The following HHIPL2 variants were observed in gnomAD, a reference collection of about 807,000 sequenced individuals.
HHIPL2 encodes the protein HHIP like 2.
HHIPL2 carries 61 observed loss-of-function variants against 61.0 expected under a neutral mutation model. That is an observed-to-expected ratio of 1.00 (90% CI 0.81 to 1.24). The LOEUF (loss-of-function observed/expected upper bound fraction) is 1.24, where lower values mean the gene tolerates loss of function less well. HHIPL2 is among the 50% of genes most tolerant of loss of function. The pLI, the probability that HHIPL2 is intolerant of heterozygous loss-of-function variation, is 0.00. For missense variants in HHIPL2, 885 were observed against 910.2 expected (o/e 0.97, Z 0.36); for synonymous variants, 343 against 357.4 (o/e 0.96, Z 0.45).
intron 7 of HHIPL2, 118 bp from the exon 8 acceptor site, chr1:222,523,812 G>A (rs1321273012): frequency 6.9e-6 from 6 of 867,926 alleles, no homozygotes; most frequent in Non-Finnish European, 1.1e-5. Context: ...TTATCCATGG[G>A]GATGGGGTAG....
intron 5 of HHIPL2, among the ~76,000 whole-genome samples, chr1:222,534,363 A>C (rs2102615254): frequency 6.6e-6 from 1 of 152,314 alleles, no homozygotes; most frequent in East Asian, 1.9e-4. Flanking sequence ...TGAAGATGTT[A>C]AAATTAGCAG....
intron 5 of HHIPL2, among the ~76,000 whole-genome samples, chr1:222,535,760 C>T (rs1659288081): frequency 6.6e-6 from 1 of 152,056 alleles, no homozygotes; most frequent in Admixed American, 6.6e-5. Flanking sequence ...TTAGGACCCA[C>T]CCAGAAAATC....
intron 8 of HHIPL2, among the ~76,000 whole-genome samples, chr1:222,523,281 T>G (rs1658991785): frequency 6.6e-6 from 1 of 152,208 alleles, no homozygotes; most frequent in South Asian, 2.1e-4. Context: ...GTCATAGGCT[T>G]TAAGTGTTCA....
At chr1:222,533,368 A>G (rs575939709) in intron 5 of HHIPL2, among the ~76,000 whole-genome samples, 2 of 151,748 alleles carry the variant, frequency 1.3e-5, no homozygotes, top group African/African-American at 4.8e-5. Context: ...CTGTCTCAAA[A>G]AAAAAAAAGA....
chr1:222,547,617 G>C, intron 1 of HHIPL2, 107 bp downstream of exon 1: 2 of 936,518 alleles, frequency 2.1e-6, no homozygotes, highest in Non-Finnish European at 3.3e-6. Context: ...GAGGCACCCG[G>C]CACATGAACT....
intron 5 of HHIPL2, among the ~76,000 whole-genome samples, chr1:222,537,872 AT>A (rs1221780684): frequency 6.6e-6 from 1 of 152,106 alleles, no homozygotes; most frequent in African/African-American, 2.4e-5. Flanking sequence ...AGACAGGTAA[AT>A]ATGCAAGATC....
Position 222,522,883 on chromosome 1 carries a change from T to G in HHIPL2, c.1893A>C (p.Thr631=). The part of the protein sequence containing the change: ...KRIPFRPLAK[T]VLDLLKEQSE... ...ATTGTTCCTTTAGCAAGTCCAAGAC[T>G]GTCTCTGAGAAATCAGTATTTATTT... Residue 631 remains threonine (T), a synonymous_variant, in exon 9 of 9, where the codon ACA becomes ACC. Coordinates refer to ENST00000343410, the MANE Select transcript of HHIPL2 (RefSeq NM_024746.4). The G allele has an allele frequency of 6.2e-7, 1 of 1,611,372 alleles. No individual in the cohort carries two copies. The highest frequency in any genetic ancestry group is 8.5e-7 in the Non-Finnish European group (1 of 1,178,648).
intron 6 of HHIPL2, among the ~76,000 whole-genome samples, chr1:222,530,799 AT>A (rs1347892271): frequency 1.3e-5 from 2 of 148,888 alleles, no homozygotes; most frequent in Admixed American, 6.7e-5. Flanking sequence ...TTGTTTAATT[AT>A]TTTTTTTTCA....
In HHIPL2 at chr1:222,544,082, G is replaced by A; in HGVS notation, c.429C>T (p.Asn143=). Residue 143 remains asparagine (N), a synonymous_variant, in exon 2 of 9, where the codon AAC becomes AAT. Transcript: ENST00000343410. ...TCAGCAGGGAAATGGCTGAGTGACA[G>A]TTAGAATGGAAGGCAGAGCAGTAAT... ...CSDYCSAFHS[N]CHSAISLLTN... is the part of the protein sequence containing the mutation. 6.2e-7 allele frequency: 1 copy of A among 1,614,206 alleles called. No homozygotes were observed. Among genetic ancestry groups the A allele is most frequent in the Non-Finnish European group, 8.5e-7 (1 of 1,180,034 alleles).
At chr1:222,546,709 G>A (rs966431199) in intron 1 of HHIPL2, among the ~76,000 whole-genome samples, 2 of 152,136 alleles carry the variant, frequency 1.3e-5, no homozygotes, top group Non-Finnish European at 2.9e-5. Flanking sequence ...AGCCCCAGGC[G>A]GTGCCACCCA....
chr1:222,544,466 T>C (rs1428688255), intron 1 of HHIPL2, among the ~76,000 whole-genome samples: 2 of 152,236 alleles, frequency 1.3e-5, no homozygotes, highest in Admixed American at 1.3e-4. Flanking sequence ...AAATGATGCA[T>C]GAATATTTTT....
chr1:222,537,423 C>A (rs1245425310), intron 5 of HHIPL2, among the ~76,000 whole-genome samples: 1 of 149,324 alleles, frequency 6.7e-6, no homozygotes. Context: ...AGCAATAAGC[C>A]AGTTAAAAAA....
At chr1:222,528,210 T>C (rs1208092276) in intron 6 of HHIPL2, among the ~76,000 whole-genome samples, 3 of 152,244 alleles carry the variant, frequency 2.0e-5, no homozygotes, top group East Asian at 1.9e-4. Context: ...CTCCATGCTA[T>C]CTTGGGAGAC....
At chr1:222,543,481 G>T in intron 2 of HHIPL2, 56 bp downstream of exon 2, 1 of 1,487,584 alleles carries the variant, frequency 6.7e-7, no homozygotes, top group Non-Finnish European at 9.1e-7. Flanking sequence ...TCGCAGACCT[G>T]GTTGGCATTA....
At chr1:222,547,694 C>A (rs765790490) in intron 1 of HHIPL2, 30 bp downstream of exon 1, 2 of 1,584,904 alleles carry the variant, frequency 1.3e-6, no homozygotes, top group Admixed American at 1.7e-5. Context: ...AGCACCCAAA[C>A]CCCTGGGGCT....
At chr1:222,526,025 A>T (rs1418814511) in intron 7 of HHIPL2, among the ~76,000 whole-genome samples, 2 of 151,476 alleles carry the variant, frequency 1.3e-5, no homozygotes, top group East Asian at 1.9e-4. Flanking sequence ...AAATAAAAAT[A>T]AAAAAAAATC....
At chr1:222,534,668 TTACACA>T (rs972773541) in intron 5 of HHIPL2, among the ~76,000 whole-genome samples, 1 of 83,226 alleles carries the variant, frequency 1.2e-5, no homozygotes, top group African/African-American at 5.9e-5. Flanking sequence ...TACATTGAGA[TTACACA>T]CACACACACA....
chr1:222,531,056 T>C (rs918821984), intron 6 of HHIPL2, among the ~76,000 whole-genome samples: 2 of 152,218 alleles, frequency 1.3e-5, no homozygotes, highest in South Asian at 2.1e-4. Flanking sequence ...TCTCTCTGTG[T>C]CTCTCTCGCT....
rs1571778493 is a variant in HHIPL2, at chr1:222,544,151, T to C, written c.360A>G (p.Glu120=). The C allele has an allele frequency of 6.2e-7, 1 of 1,613,624 alleles. No individual in the cohort carries two copies. Among genetic ancestry groups the C allele is most frequent in the Non-Finnish European group, 8.5e-7 (1 of 1,180,032 alleles). Residue 120 remains glutamate, a synonymous_variant, in exon 2 of 9, where the codon GAA becomes GAG. Coordinates refer to ENST00000343410, the MANE Select transcript of HHIPL2 (RefSeq NM_024746.4). ...SPYAAHLYDA[E]NTQTPLRNLP... ...GATTCCGGAGAGGCGTCTGGGTGTT[T>C]TCGGCGTCGTAGAGGTGGGCTGCGT...
Sources: gnomAD v4.1 joint callset for allele counts (sites outside exome capture counted in the v4.1 genomes callset) on GRCh38, gnomAD v4.1.1 for gene constraint, MANE v1.5 for transcripts, NCBI Gene and HGNC (gene_info 2026-07-23, HGNC 2026-07-21) for gene names.